AGAP1: variants seen among roughly 807,000 people sequenced by gnomAD.
AGAP1 encodes arf-GAP with GTPase, ANK repeat and PH domain-containing protein 1.
In AGAP1, 29 loss-of-function variants were observed where a neutral mutation model predicts 105.3. That is an observed-to-expected ratio of 0.28 (90% CI 0.21 to 0.38). The LOEUF (loss-of-function observed/expected upper bound fraction) is 0.38. Ranked by LOEUF, AGAP1 falls within the 10% of genes least tolerant of loss-of-function variation. The pLI is 1.00. For synonymous variants in AGAP1, 509 were observed against 485.9 expected (o/e 1.05, Z -0.63); for missense variants, 998 against 1,165.1 (o/e 0.86, Z 2.09).
chr2:236,051,976 G>A lies in AGAP1; in HGVS notation c.2114+2695G>A, dbSNP rs936274181. The stretch of plus-strand genomic sequence containing the variant: ...AGTGAAAGTCGGGGCTGGAATCTCC[G>A]CAAGCCGGTCTGTCCATGACGTGAG... On this transcript the variant is annotated intron_variant, in intron 16 of 17. Transcript: ENST00000304032. This position sits in a 1 kb window ranked among gnomAD's most constrained non-coding sequence, Gnocchi z 5.9. Among the ~76,000 whole-genome samples, 1 of 151,770 alleles carries A rather than the reference G, an allele frequency of 6.6e-6. No homozygotes were observed. Among genetic ancestry groups the A allele is most frequent in the South Asian group, 2.1e-4 (1 of 4,830 alleles).
rs1952074093 is a variant in AGAP1, at chr2:235,733,625, T to C, written c.311-7338T>C. Among the ~76,000 whole-genome samples, 1 of 152,224 alleles carries C rather than the reference T, an allele frequency of 6.6e-6. No individual in the cohort carries two copies. The highest frequency in any genetic ancestry group is 1.5e-5 in the Non-Finnish European group (1 of 68,032). On this transcript the variant is annotated intron_variant, in intron 3 of 17. Coordinates refer to ENST00000304032, the MANE Select transcript of AGAP1 (RefSeq NM_001037131.3). The surrounding 1 kb of genome is among the most constrained non-coding windows in gnomAD (Gnocchi z 5.0). ...CTGGAGTTTGGCTTTTTTCTTGTTCTGTGTTCCTTTTGTACCTTACTTAGA... is the reference window on the plus strand; with the variant it reads ...CTGGAGTTTGGCTTTTTTCTTGTTCCGTGTTCCTTTTGTACCTTACTTAGA...
intron 1 of AGAP1, among the ~76,000 whole-genome samples, chr2:235,585,584 C>T (rs1945081652): frequency 6.6e-6 from 1 of 152,190 alleles, no homozygotes; most frequent in African/African-American, 2.4e-5. Flanking sequence ...TATTTTGTCT[C>T]TTTGAGTTCT....
At chr2:235,533,229 C>T (rs1306608648) in intron 1 of AGAP1, among the ~76,000 whole-genome samples, 2 of 152,284 alleles carry the variant, frequency 1.3e-5, no homozygotes, top group South Asian at 2.1e-4. Context: ...GTCAAGCTCA[C>T]TAGAAACCGT....
At chr2:235,946,786 G>C (rs1407526351) in intron 12 of AGAP1, among the ~76,000 whole-genome samples, 1 of 152,092 alleles carries the variant, frequency 6.6e-6, no homozygotes, top group Non-Finnish European at 1.5e-5. Context: ...AGGCAGCACT[G>C]TGTGGTCCCG....
chr2:235,646,139 G>A (rs139178111), intron 1 of AGAP1, among the ~76,000 whole-genome samples: 2,856 of 152,130 alleles, frequency 0.019, 81 homozygotes, highest in African/African-American at 0.064. Flanking sequence ...GCTGGGCGTG[G>A]TGGTGGGTGC....
chr2:235,995,838 C>G (rs1472559922), intron 13 of AGAP1, among the ~76,000 whole-genome samples: 2 of 152,152 alleles, frequency 1.3e-5, no homozygotes, highest in African/African-American at 4.8e-5. Context: ...TCTTTCTTGC[C>G]TCTGGCTCTT....
chr2:235,768,488 G>A (rs977394211), intron 6 of AGAP1, among the ~76,000 whole-genome samples: 2 of 152,310 alleles, frequency 1.3e-5, no homozygotes, highest in Admixed American at 6.5e-5. Flanking sequence ...AGTAAAAGTG[G>A]GTATTTCATC....
In AGAP1 at chr2:235,739,973, C is replaced by T. The variant is rs192878055; in HGVS notation, c.311-990C>T. 1.7e-4 allele frequency among the ~76,000 whole-genome samples: 26 copies of T among 152,304 alleles called. No homozygotes were observed. The highest frequency in any genetic ancestry group is 2.6e-4 in the Non-Finnish European group (18 of 68,026). ...TTGGGGTTTAGACAGGGTTTCTGGA[C>T]GGCATCTGCACAGAGGAGCGGAAGA... On this transcript the variant is annotated intron_variant, in intron 3 of 17. Transcript: ENST00000304032. The surrounding 1 kb of genome is among the most constrained non-coding windows in gnomAD (Gnocchi z 5.3).
chr2:236,112,061 G>A (rs1203069164), intron 16 of AGAP1, among the ~76,000 whole-genome samples: 2 of 152,168 alleles, frequency 1.3e-5, no homozygotes, highest in African/African-American at 2.4e-5. Context: ...ACAGAGCCCG[G>A]TGCAGCCTGC....
rs1197108194 is a variant in AGAP1, at chr2:235,904,803, T to A, written c.1156-3935T>A. ...AAACCAGAAAGCTCAGTGTCGTTTCTCTTGGGAGGAACTTGAAGCCACAGA... is the reference window on the plus strand; with the variant it reads ...AAACCAGAAAGCTCAGTGTCGTTTCACTTGGGAGGAACTTGAAGCCACAGA... On this transcript the variant is annotated intron_variant, in intron 10 of 17. Transcript: ENST00000304032. This position sits in a 1 kb window ranked among gnomAD's most constrained non-coding sequence, Gnocchi z 4.2. Among the ~76,000 whole-genome samples the A allele has an allele frequency of 6.6e-6, 1 of 152,192 alleles. No homozygotes were observed. The highest frequency in any genetic ancestry group is 1.5e-5 in the Non-Finnish European group (1 of 68,040).
intron 1 of AGAP1, among the ~76,000 whole-genome samples, chr2:235,658,573 G>C (rs1947847161): frequency 6.6e-6 from 1 of 152,176 alleles, no homozygotes; most frequent in Admixed American, 6.5e-5. Context: ...CTGGGGGCAC[G>C]TGCCCAGCAG....
chr2:235,763,793 T>A (rs1954667438), intron 6 of AGAP1, among the ~76,000 whole-genome samples: 2 of 152,224 alleles, frequency 1.3e-5, no homozygotes, highest in African/African-American at 2.4e-5. Context: ...CCACGTCCTG[T>A]AATCTGTTTT....
At chr2:235,763,618 T>C (rs2696407) in intron 6 of AGAP1, among the ~76,000 whole-genome samples, 42,613 of 152,112 alleles carry the variant, frequency 0.28, 6,292 homozygotes, top group Admixed American at 0.41. Context: ...TTTGAATCCT[T>C]GGTGTTGACT....
At chr2:235,952,645 A>T (rs1179818108) in intron 12 of AGAP1, among the ~76,000 whole-genome samples, 1 of 152,108 alleles carries the variant, frequency 6.6e-6, no homozygotes, top group African/African-American at 2.4e-5. Flanking sequence ...TTGTTCCACT[A>T]CTATTTCCCC....
intron 13 of AGAP1, among the ~76,000 whole-genome samples, chr2:236,025,603 A>G (rs966607681): frequency 6.6e-5 from 10 of 152,324 alleles, no homozygotes; most frequent in African/African-American, 2.4e-4. Flanking sequence ...ACACGGATTA[A>G]ACACGGATTA....
In AGAP1 at chr2:235,722,388, T is replaced by A. The variant is rs149619844; in HGVS notation, c.310+4744T>A. On this transcript the variant is annotated intron_variant, in intron 3 of 17. Coordinates refer to ENST00000304032, the MANE Select transcript of AGAP1 (RefSeq NM_001037131.3). ...GCGTGAATATACTTTATCCTAATCA[T>A]GACCTGTGGCTGGTATACGTAGATG... Among the ~76,000 whole-genome samples, 49 of 152,278 alleles carry A rather than the reference T, an allele frequency of 3.2e-4. No individual in the cohort carries two copies. The East Asian group carries it at 7.9e-3, about 25-fold the overall frequency.
chr2:235,613,477 C>CTT (rs1946206114), intron 1 of AGAP1, among the ~76,000 whole-genome samples: 1 of 152,156 alleles, frequency 6.6e-6, no homozygotes, highest in Admixed American at 6.6e-5. Flanking sequence ...AATGAGAAGA[C>CTT]TTATATCTTT....
At chr2:235,816,240 A>G (rs903311213) in intron 9 of AGAP1, among the ~76,000 whole-genome samples, 3 of 151,514 alleles carry the variant, frequency 2.0e-5, no homozygotes, top group African/African-American at 4.9e-5. Flanking sequence ...GATCGAGACC[A>G]TCCTGACTAA....
rs137871329 is a variant in AGAP1 at position 236,001,937 on chromosome 2, G to A, written c.1645+33314G>A. ...CATCATTGCACATACATTCTGAAGC[G>A]CTCACGCTTTGTTCCTGTGGACATC... On this transcript the variant is annotated intron_variant, in intron 13 of 17. Transcript: ENST00000304032. The surrounding 1 kb of genome is among the most constrained non-coding windows in gnomAD (Gnocchi z 4.7). 1.3e-5 allele frequency among the ~76,000 whole-genome samples: 2 copies of A among 152,214 alleles called. No individual in the cohort carries two copies. The highest frequency in any genetic ancestry group is 2.4e-5 in the African/African-American group (1 of 41,526).
Sources: gnomAD v4.1 joint callset for allele counts (sites outside exome capture counted in the v4.1 genomes callset) on GRCh38, gnomAD v4.1.1 for gene constraint, Gnocchi (gnomAD v3.1) non-coding constraint, MANE v1.5 for transcripts, NCBI Gene and HGNC (gene_info 2026-07-23, HGNC 2026-07-21) for gene names.